The following KDM1A variants were observed in gnomAD, a reference collection of about 807,000 sequenced individuals.
KDM1A encodes lysine demethylase 1A.
A neutral mutation model predicts 109.4 loss-of-function variants in KDM1A; 49 were observed. That is an observed-to-expected ratio of 0.45 (90% CI 0.36 to 0.57). The LOEUF (loss-of-function observed/expected upper bound fraction) is 0.57. KDM1A is among the 20% of genes least tolerant of loss of function. KDM1A has a pLI of 0.00. For missense variants in KDM1A, 668 were observed against 1,116.6 expected (o/e 0.60, Z 5.73); for synonymous variants, 380 against 415.4 (o/e 0.91, Z 1.04).
At chr1:23,059,523 G>A (rs766684816) in intron 9 of KDM1A, among the ~76,000 whole-genome samples, 5 of 152,040 alleles carry the variant, frequency 3.3e-5, no homozygotes, top group Admixed American at 2.0e-4. Context: ...CTTCCATCAC[G>A]TGCTTTAGCT....
intron 2 of KDM1A, among the ~76,000 whole-genome samples, chr1:23,033,144 G>A (rs1642040132): frequency 6.6e-6 from 1 of 152,206 alleles, no homozygotes; most frequent in Non-Finnish European, 1.5e-5. Flanking sequence ...ACAGGCATGA[G>A]CCACCATGCC....
chr1:23,081,525 A>G lies in KDM1A; in HGVS notation c.2250A>G (p.Arg750=), dbSNP rs1172858586. 6.2e-7 allele frequency: 1 copy of G among 1,614,198 alleles called. No individual in the cohort carries two copies. Among genetic ancestry groups the G allele is most frequent in the Non-Finnish European group, 8.5e-7 (1 of 1,180,016 alleles). The change falls in exon 19 of 21, where the codon CGA becomes CGG. Residue 750 remains arginine (R), a synonymous_variant. Transcript: ENST00000400181. ...TAAGTGACGATGTGATTGTTGGCCGATGCCTGGCCATTCTCAAAGGGATTT... is the reference window on the plus strand; with the variant it reads ...TAAGTGACGATGTGATTGTTGGCCGGTGCCTGGCCATTCTCAAAGGGATTT... The part of the protein sequence containing the change: ...ENISDDVIVG[R]CLAILKGIFG...
intron 2 of KDM1A, among the ~76,000 whole-genome samples, chr1:23,037,435 A>G (rs1642182720): frequency 6.6e-6 from 1 of 152,042 alleles, no homozygotes; most frequent in African/African-American, 2.4e-5. Flanking sequence ...TTTTTAATTG[A>G]TAAATAAGAT....
At chr1:23,068,463 AT>A (rs1643216633) in intron 10 of KDM1A, 75 bp from the exon 11 acceptor site, 1 of 1,237,510 alleles carries the variant, frequency 8.1e-7, no homozygotes, top group South Asian at 1.7e-5. Context: ...TTTATAAACT[AT>A]AGAGCATTTG....
chr1:23,071,511 A>G, intron 13 of KDM1A, 152 bp downstream of exon 13: 1 of 656,728 alleles, frequency 1.5e-6, no homozygotes, highest in Non-Finnish European at 2.6e-6. Flanking sequence ...ATGGGGATTT[A>G]ATGGGTTAGT....
chr1:23,072,322 A>C (rs951314612), intron 14 of KDM1A, 125 bp downstream of exon 14: 1 of 694,276 alleles, frequency 1.4e-6, no homozygotes, highest in Non-Finnish European at 2.5e-6. Context: ...TAAATTGTTA[A>C]ATAAATGAAT....
chr1:23,060,936 A>T (rs1642982007), intron 9 of KDM1A, among the ~76,000 whole-genome samples: 2 of 152,222 alleles, frequency 1.3e-5, no homozygotes, highest in African/African-American at 4.8e-5. Context: ...TCAAGAAGTG[A>T]TAAGAGTCCA....
intron 20 of KDM1A, 68 bp from the exon 21 acceptor site, chr1:23,083,111 A>G: frequency 7.0e-7 from 1 of 1,426,270 alleles, no homozygotes; most frequent in Non-Finnish European, 9.7e-7. Flanking sequence ...TTAAGTACTT[A>G]GCAATTTAAG....
chr1:23,054,294 G>A (rs950835336), intron 5 of KDM1A, among the ~76,000 whole-genome samples: 1 of 152,252 alleles, frequency 6.6e-6, no homozygotes, highest in African/African-American at 2.4e-5. Context: ...ACAGTGATGT[G>A]CACCTATAGT....
intron 12 of KDM1A, among the ~76,000 whole-genome samples, chr1:23,069,689 T>C (rs997871161): frequency 8.5e-5 from 13 of 152,342 alleles, no homozygotes; most frequent in East Asian, 5.8e-4. Context: ...CAAGTTTTCA[T>C]TGGTGAAGAC....
chr1:23,033,725 G>T (rs2124385429), intron 2 of KDM1A, among the ~76,000 whole-genome samples: 1 of 152,286 alleles, frequency 6.6e-6, no homozygotes, highest in Middle Eastern at 3.4e-3. Flanking sequence ...GTTCCTCTGG[G>T]AGAGTACTGA....
intron 5 of KDM1A, among the ~76,000 whole-genome samples, chr1:23,054,149 G>C (rs1480124566): frequency 6.6e-6 from 1 of 152,128 alleles, no homozygotes; most frequent in African/African-American, 2.4e-5. Flanking sequence ...TCTTATTTCA[G>C]ACTTGGCACC....
chr1:23,020,337 C>G (rs1001614544), intron 1 of KDM1A: 5 of 162,356 alleles, frequency 3.1e-5, no homozygotes, highest in Non-Finnish European at 5.3e-5. Context: ...AGCTGTTGGG[C>G]GATATTGATG....
At position 23,056,023 on chromosome 1, in the gene KDM1A, A is replaced by G. The variant is rs1305662144; in HGVS notation, c.975A>G (p.Thr325=). Residue 325 remains threonine (T), a synonymous_variant, in exon 7 of 21, where the codon ACA becomes ACG. Coordinates refer to ENST00000400181, the MANE Select transcript of KDM1A (RefSeq NM_001009999.3). ...RQLQSFGMDV[T]LLEARDRVGG... Reference sequence around the variant, plus strand: ...TACAAAGTTTTGGAATGGATGTCACACTTTTGGAAGCCAGGGTAAGAATTT... The same window carrying G: ...TACAAAGTTTTGGAATGGATGTCACGCTTTTGGAAGCCAGGGTAAGAATTT... 1.2e-6 allele frequency: 2 copies of G among 1,611,586 alleles called. No individual in the cohort carries two copies. Among genetic ancestry groups the G allele is most frequent in the Admixed American group, 3.3e-5 (2 of 59,972 alleles).
chr1:23,038,561 G>A (rs1642218207), intron 2 of KDM1A, among the ~76,000 whole-genome samples: 1 of 152,160 alleles, frequency 6.6e-6, no homozygotes, highest in South Asian at 2.1e-4. Context: ...AGCAAAATAA[G>A]TAAGGATCAG....
At chr1:23,023,162 G>A (rs971017531) in intron 1 of KDM1A, among the ~76,000 whole-genome samples, 26 of 152,200 alleles carry the variant, frequency 1.7e-4, no homozygotes, top group East Asian at 1.3e-3. Context: ...AAATTGAGTT[G>A]TCTTCATCAT....
chr1:23,026,530 A>G (rs1170736152), intron 1 of KDM1A, among the ~76,000 whole-genome samples: 1 of 151,746 alleles, frequency 6.6e-6, no homozygotes, highest in East Asian at 1.9e-4. Context: ...AGCTGGAACT[A>G]CAGATGTGCA....
intron 2 of KDM1A, among the ~76,000 whole-genome samples, chr1:23,033,823 G>T (rs770786582): frequency 6.6e-6 from 1 of 152,126 alleles, no homozygotes; most frequent in Non-Finnish European, 1.5e-5. Context: ...GAGTGTCAGC[G>T]GTAGCCCTGA....
At chr1:23,020,017 C>CCCG (rs1476101966) in intron 1 of KDM1A, 70 bp downstream of exon 1, 19 of 1,382,942 alleles carry the variant, frequency 1.4e-5, no homozygotes, top group South Asian at 6.5e-5. Flanking sequence ...TCCGCCCTCC[C>CCCG]CCGCCGCCGC....
Sources: allele counts gnomAD v4.1 joint callset (sites outside exome capture counted in the v4.1 genomes callset), GRCh38; gene constraint gnomAD v4.1.1; transcripts MANE v1.5; gene names NCBI Gene and HGNC (gene_info 2026-07-23, HGNC 2026-07-21).